The following ARHGAP32 variants were observed in gnomAD, a reference collection of about 807,000 sequenced individuals.
ARHGAP32 encodes rho GTPase-activating protein 32.
ARHGAP32 carries 51 observed loss-of-function variants against 186.5 expected under a neutral mutation model. The ratio of observed to expected loss-of-function variants is 0.27; its 90% CI spans 0.22 to 0.35. ARHGAP32 has a LOEUF of 0.35. Ranked by LOEUF, ARHGAP32 falls within the 10% of genes least tolerant of loss-of-function variation. ARHGAP32 has a pLI of 1.00. For synonymous variants in ARHGAP32, 950 were observed against 964.3 expected (o/e 0.99, Z 0.27); for missense variants, 2,186 against 2,623.5 (o/e 0.83, Z 3.64).
intron 1 of ARHGAP32, among the ~76,000 whole-genome samples, chr11:129,176,998 G>C (rs1036800453): frequency 8.0e-5 from 12 of 150,512 alleles, no homozygotes; most frequent in South Asian, 2.1e-4. Context: ...GAATCCAGGA[G>C]CTGGTTTTTT....
chr11:129,132,988 A>G (rs902523673), intron 2 of ARHGAP32, among the ~76,000 whole-genome samples: 43 of 152,210 alleles, frequency 2.8e-4, no homozygotes, highest in Non-Finnish European at 5.0e-4. Context: ...GGTAATTTAC[A>G]AAGAAAAGGG....
intron 6 of ARHGAP32, among the ~76,000 whole-genome samples, chr11:129,091,915 G>C (rs1941587827): frequency 6.6e-6 from 1 of 151,886 alleles, no homozygotes; most frequent in African/African-American, 2.4e-5. Context: ...TATGGGTTAT[G>C]GCTAACACAA....
chr11:129,200,061 A>C (rs1001951285), intron 1 of ARHGAP32, among the ~76,000 whole-genome samples: 5 of 151,774 alleles, frequency 3.3e-5, no homozygotes, highest in African/African-American at 9.7e-5. Flanking sequence ...GGTTTGGCCA[A>C]TTTTTCCCAT....
chr11:129,268,368 A>G (rs1945432790), intron 1 of ARHGAP32, among the ~76,000 whole-genome samples: 1 of 152,190 alleles, frequency 6.6e-6, no homozygotes, highest in Non-Finnish European at 1.5e-5. Context: ...TTTCCTAACA[A>G]TAAGAACTCT....
chr11:129,059,160 G>C (rs1591576705), intron 10 of ARHGAP32, among the ~76,000 whole-genome samples: 1 of 152,278 alleles, frequency 6.6e-6, no homozygotes, highest in Middle Eastern at 3.4e-3. Context: ...ATCATGCTTA[G>C]TGCTCTTCAG....
intron 11 of ARHGAP32, among the ~76,000 whole-genome samples, chr11:129,035,837 C>T (rs1310271660): frequency 6.6e-6 from 1 of 151,292 alleles, no homozygotes; most frequent in African/African-American, 2.4e-5. Flanking sequence ...GAGCAAGACT[C>T]CATCAAAAAA....
chr11:129,203,516 T>A (rs1203362731), intron 1 of ARHGAP32, among the ~76,000 whole-genome samples: 1 of 151,756 alleles, frequency 6.6e-6, no homozygotes, highest in African/African-American at 2.4e-5. Context: ...TACAGTTAAT[T>A]AAGGTAAAAG....
At chr11:129,044,544 A>G (rs573774719) in intron 10 of ARHGAP32, among the ~76,000 whole-genome samples, 19 of 152,300 alleles carry the variant, frequency 1.2e-4, no homozygotes, top group African/African-American at 4.1e-4. Context: ...TTATCCCAGT[A>G]TTTGGCTACC....
intron 1 of ARHGAP32, among the ~76,000 whole-genome samples, chr11:129,249,969 T>G (rs976882924): frequency 6.6e-6 from 1 of 151,864 alleles, no homozygotes; most frequent in African/African-American, 2.4e-5. Flanking sequence ...TCTCAGCACT[T>G]TAGGAGGCTG....
intron 8 of ARHGAP32, among the ~76,000 whole-genome samples, chr11:129,064,323 A>C (rs1940615910): frequency 6.6e-6 from 1 of 152,114 alleles, no homozygotes; most frequent in Non-Finnish European, 1.5e-5. Flanking sequence ...TTTTTCCAAG[A>C]TCTCAACGCA....
intron 1 of ARHGAP32, among the ~76,000 whole-genome samples, chr11:129,172,638 A>G (rs1184427478): frequency 6.6e-6 from 1 of 152,182 alleles, no homozygotes; most frequent in Non-Finnish European, 1.5e-5. Context: ...AGATTAAGAA[A>G]CTCACTCAAA....
chr11:129,221,824 T>C (rs1385517465), intron 1 of ARHGAP32, among the ~76,000 whole-genome samples: 1 of 152,024 alleles, frequency 6.6e-6, no homozygotes, highest in African/African-American at 2.4e-5. Flanking sequence ...AAAAAAATTT[T>C]TTTAAATAGT....
Position 129,027,089 on chromosome 11 carries a change from A to C in ARHGAP32, c.1045+13839T>G, listed in dbSNP as rs1193523977. Among the ~76,000 whole-genome samples, 3 of 141,428 alleles carry C rather than the reference A, an allele frequency of 2.1e-5. 1 individual carries two copies. The highest frequency in any genetic ancestry group is 5.3e-5 in the African/African-American group (2 of 37,390). 92.8% of individuals were successfully genotyped at this position (141,428 alleles called of 152,430 possible). A position where few individuals can be genotyped will look rare whatever the true frequency, so the allele number is the denominator to read the frequency against. Reference sequence around the variant, plus strand: ...ACTCCAGCCTGGGCAACAGCGCAAGACTCTGTCTCAAAAAAAAAAAAAAAA... The same window carrying C: ...ACTCCAGCCTGGGCAACAGCGCAAGCCTCTGTCTCAAAAAAAAAAAAAAAA... On this transcript the variant is annotated intron_variant, in intron 11 of 22. Coordinates refer to ENST00000682385, the MANE Select transcript of ARHGAP32 (RefSeq NM_001378024.1).
chr11:129,096,484 C>T (rs1941732061), intron 5 of ARHGAP32, among the ~76,000 whole-genome samples: 1 of 152,094 alleles, frequency 6.6e-6, no homozygotes, highest in African/African-American at 2.4e-5. Flanking sequence ...TCATTTTGGT[C>T]AACATCAGCA....
At chr11:129,150,800 T>A (rs1363173819) in intron 2 of ARHGAP32, among the ~76,000 whole-genome samples, 1 of 151,390 alleles carries the variant, frequency 6.6e-6, no homozygotes, top group East Asian at 1.9e-4. Context: ...CATAAGACAA[T>A]AACATAATGA....
At chr11:129,066,369 C>T (rs10893966) in intron 7 of ARHGAP32, among the ~76,000 whole-genome samples, 28,354 of 151,940 alleles carry the variant, frequency 0.19, 2,815 homozygotes, top group Non-Finnish European at 0.21. Context: ...TAGGTGCATA[C>T]ACACAGCATG....
At chr11:128,980,440 G>T in intron 18 of ARHGAP32, 113 bp downstream of exon 18, 1 of 764,006 alleles carries the variant, frequency 1.3e-6, no homozygotes. Flanking sequence ...TCTGGGACTA[G>T]CCTAGAATTC....
intron 11 of ARHGAP32, among the ~76,000 whole-genome samples, chr11:129,017,601 C>T (rs1035315226): frequency 6.6e-6 from 1 of 152,004 alleles, no homozygotes; most frequent in African/African-American, 2.4e-5. Flanking sequence ...TATTATTTAT[C>T]TTTTATTCAG....
intron 2 of ARHGAP32, among the ~76,000 whole-genome samples, chr11:129,136,506 AC>A (rs770176575): frequency 3.3e-5 from 5 of 152,158 alleles, no homozygotes; most frequent in Non-Finnish European, 5.9e-5. Context: ...TACCTAAATA[AC>A]AAAGTAAATA....
Sources: allele counts gnomAD v4.1 joint callset (sites outside exome capture counted in the v4.1 genomes callset), GRCh38; gene constraint gnomAD v4.1.1; transcripts MANE v1.5; gene names NCBI Gene and HGNC (gene_info 2026-07-23, HGNC 2026-07-21).